The following CTBP2 variants were observed in gnomAD, a reference collection of about 807,000 sequenced individuals.
CTBP2 encodes C-terminal-binding protein 2.
CTBP2 carries 30 observed loss-of-function variants against 80.3 expected under a neutral mutation model. The ratio of observed to expected loss-of-function variants is 0.37; its 90% CI spans 0.28 to 0.51. The LOEUF (loss-of-function observed/expected upper bound fraction) is 0.51, where lower values mean the gene tolerates loss of function less well. Ranked by LOEUF, CTBP2 falls within the 20% of genes least tolerant of loss-of-function variation. The pLI is 0.93. For missense variants in CTBP2, 1,212 were observed against 1,375.3 expected (o/e 0.88, Z 1.88); for synonymous variants, 594 against 587.4 (o/e 1.01, Z -0.16).
At chr10:125,136,034 T>A (rs1856922954) in intron 1 of CTBP2, among the ~76,000 whole-genome samples, 1 of 152,238 alleles carries the variant, frequency 6.6e-6, no homozygotes, top group African/African-American at 2.4e-5. Context: ...TGGTTGTTCA[T>A]TAGAGTCACC....
chr10:125,012,502 C>T (rs922527689), intron 1 of CTBP2, among the ~76,000 whole-genome samples: 4 of 152,258 alleles, frequency 2.6e-5, no homozygotes, highest in South Asian at 2.1e-4. Flanking sequence ...CTCTTCCTGC[C>T]GGCACGCCAA....
At chr10:125,050,091 G>A (rs1962350589) in intron 2 of CTBP2, among the ~76,000 whole-genome samples, 1 of 152,164 alleles carries the variant, frequency 6.6e-6, no homozygotes, top group South Asian at 2.1e-4. Context: ...TGGCATCCAG[G>A]AGAGCCAACT....
At chr10:125,143,415 T>C (rs1858196070) in intron 1 of CTBP2, among the ~76,000 whole-genome samples, 1 of 152,112 alleles carries the variant, frequency 6.6e-6, no homozygotes, top group African/African-American at 2.4e-5. Flanking sequence ...GAGGCAGAGG[T>C]TGCAGTGAGC....
rs765157987 is a variant in CTBP2, at chr10:124,989,602, C to T, written c.2874G>A (p.Pro958=). ...GCGCTTGGGAAGGATGTGCCACTGT[C>T]GGGAGGTTGTGAGTCACTGGGATGC... Residue 958 remains proline (P), a synonymous_variant, in exon 9 of 9, where the codon CCG becomes CCA. Coordinates refer to ENST00000309035, the MANE Select transcript of CTBP2 (RefSeq NM_022802.3). 112 of 1,613,088 alleles carry T rather than the reference C, an allele frequency of 6.9e-5. No homozygotes were observed. The highest frequency in any genetic ancestry group is 3.3e-4 in the Middle Eastern group (2 of 6,036).
chr10:125,038,400 C>T (rs564989178), intron 3 of CTBP2, among the ~76,000 whole-genome samples: 195 of 152,236 alleles, frequency 1.3e-3, no homozygotes, highest in African/African-American at 4.5e-3. Flanking sequence ...CCCCTAAACC[C>T]GAACCCACAC....
rs73375140 is a variant in CTBP2 at position 125,026,379 on chromosome 10, C to A, written c.1381G>T (p.Val461Leu). 1.2e-6 allele frequency: 2 copies of A among 1,612,246 alleles called. No homozygotes were observed. Among genetic ancestry groups the A allele is most frequent in the Non-Finnish European group, 1.7e-6 (2 of 1,178,754 alleles). ...GAGGGGCCCGGGTTAGTCAAGGCCA[C>A]CCCTGCCTGCAGGGGGTACGTGGGG... Residue 461 changes from valine to leucine, a missense_variant, in exon 1 of 9, where the codon GTG (valine) becomes TTG (leucine). Val to Leu is a conservative substitution (Grantham distance 32). This residue lies in a region of CTBP2 where 848 missense variants were observed against 782.3 expected (regional missense o/e 1.08). Coordinates refer to ENST00000309035, the MANE Select transcript of CTBP2 (RefSeq NM_022802.3).
chr10:125,105,228 G>C (rs923142572), intron 2 of CTBP2, among the ~76,000 whole-genome samples: 1 of 152,190 alleles, frequency 6.6e-6, no homozygotes, highest in African/African-American at 2.4e-5. Flanking sequence ...GCTTACTGCA[G>C]CCTTGACCTC....
intron 2 of CTBP2, among the ~76,000 whole-genome samples, chr10:125,042,518 T>G (rs770457530): frequency 1.3e-5 from 2 of 152,300 alleles, no homozygotes; most frequent in South Asian, 4.2e-4. Flanking sequence ...TCTGCTGAAA[T>G]TGTTCCTCAA....
chr10:125,040,987 C>T (rs764138857), intron 2 of CTBP2, among the ~76,000 whole-genome samples: 2 of 152,236 alleles, frequency 1.3e-5, no homozygotes, highest in East Asian at 3.8e-4. Flanking sequence ...CTGACCATAT[C>T]GGATCAGTCA....
At chr10:125,155,607 GC>G (rs899985625) in intron 1 of CTBP2, among the ~76,000 whole-genome samples, 7 of 151,750 alleles carry the variant, frequency 4.6e-5, no homozygotes, top group African/African-American at 1.7e-4. Context: ...GATCAAAAGG[GC>G]CACTGAACAC....
chr10:125,150,684 C>G (rs1285802733), intron 1 of CTBP2, among the ~76,000 whole-genome samples: 3 of 150,854 alleles, frequency 2.0e-5, no homozygotes, highest in Non-Finnish European at 4.4e-5. Flanking sequence ...TTGGCCAGGG[C>G]TGGAGAGCCG....
intron 2 of CTBP2, among the ~76,000 whole-genome samples, chr10:125,054,165 A>C (rs775166386): frequency 1.4e-4 from 21 of 152,152 alleles, no homozygotes; most frequent in Non-Finnish European, 2.8e-4. Flanking sequence ...TACACTGTGG[A>C]TGCCAGAAAA....
intron 3 of CTBP2, chr10:124,999,845 A>G (rs1175094601): frequency 6.6e-6 from 1 of 152,240 alleles, no homozygotes; most frequent in East Asian, 1.9e-4. Context: ...CGGCTGGGAC[A>G]ATTTTCATTC....
At chr10:125,050,626 C>T (rs772922435) in intron 2 of CTBP2, among the ~76,000 whole-genome samples, 3 of 152,200 alleles carry the variant, frequency 2.0e-5, no homozygotes, top group South Asian at 2.1e-4. Flanking sequence ...GGTGGGGGTG[C>T]GGCTCACAAG....
intron 1 of CTBP2, among the ~76,000 whole-genome samples, chr10:125,116,319 T>C (rs1198244998): frequency 2.6e-5 from 4 of 152,170 alleles, no homozygotes; most frequent in Admixed American, 1.3e-4. Flanking sequence ...GGAAGCATGG[T>C]GTCTGTTAGG....
At chr10:125,110,413 T>C (rs913319449) in intron 2 of CTBP2, among the ~76,000 whole-genome samples, 1 of 152,146 alleles carries the variant, frequency 6.6e-6, no homozygotes, top group African/African-American at 2.4e-5. Context: ...CATCCATCAA[T>C]GAGTGTGGTA....
intron 2 of CTBP2, among the ~76,000 whole-genome samples, chr10:125,067,279 A>ACCG (rs1272048041): frequency 1.3e-5 from 2 of 152,188 alleles, no homozygotes; most frequent in Non-Finnish European, 2.9e-5. Context: ...TGAAACTGCC[A>ACCG]CCGCCATGTG....
chr10:125,131,964 C>G (rs1856259563), intron 1 of CTBP2, among the ~76,000 whole-genome samples: 1 of 152,182 alleles, frequency 6.6e-6, no homozygotes. Context: ...TGGTGGACAG[C>G]TGGTGGTCTC....
chr10:125,059,519 T>A (rs546859767), intron 2 of CTBP2, among the ~76,000 whole-genome samples: 12 of 151,878 alleles, frequency 7.9e-5, no homozygotes, highest in Non-Finnish European at 1.8e-4. Context: ...GAGGTGGAGG[T>A]TGCAGTGAGC....
Sources: gnomAD v4.1 joint callset for allele counts (sites outside exome capture counted in the v4.1 genomes callset) on GRCh38, gnomAD v4.1.1 for gene constraint, gnomAD v4.1.1 regional missense constraint, MANE v1.5 for transcripts, NCBI Gene and HGNC (gene_info 2026-07-23, HGNC 2026-07-21) for gene names.